Variants in TEK observed in about 807,000 individuals in gnomAD.
TEK encodes the protein angiopoietin-1 receptor.
In TEK, 43 loss-of-function variants were observed where a neutral mutation model predicts 131.8. The ratio of observed to expected loss-of-function variants is 0.33; its 90% confidence interval spans 0.26 to 0.42. The LOEUF (loss-of-function observed/expected upper bound fraction) is 0.42, where lower values mean the gene tolerates loss of function less well. Ranked by LOEUF, TEK falls within the 10% of genes least tolerant of loss-of-function variation. The probability of loss-of-function intolerance (pLI) is 1.00; values close to 1 mark genes in which losing one functional copy is unlikely to be tolerated. For missense variants in TEK, 1,162 were observed against 1,384.4 expected, an observed-to-expected ratio of 0.84 and a Z score of 2.55; for synonymous variants, 580 against 491.6, an observed-to-expected ratio of 1.18 and a Z score of -2.38.
intron 12 of TEK, among the ~76,000 whole-genome samples, chr9:27,200,779 T>C (rs943275772): frequency 6.6e-6 from 1 of 152,144 alleles, no homozygotes; most frequent in African/African-American, 2.4e-5. Flanking sequence ...TGTTTTCCTG[T>C]TGGAAAACAT....
intron 21 of TEK, among the ~76,000 whole-genome samples, chr9:27,226,963 G>A (rs143094359): frequency 3.3e-4 from 50 of 151,854 alleles, no homozygotes; most frequent in African/African-American, 1.2e-3. Context: ...TAATCTCACT[G>A]GAGCAAGAAG....
intron 1 of TEK, among the ~76,000 whole-genome samples, chr9:27,141,324 G>A (rs1822715043): frequency 6.6e-6 from 1 of 151,066 alleles, no homozygotes; most frequent in African/African-American, 2.4e-5. Flanking sequence ...TTTTATTAAT[G>A]GCCACCTTCA....
Position 27,204,933 on chromosome 9 carries a change from G to A in TEK, c.2232G>A (p.Gly744=), listed in dbSNP as rs755057652. 4 of 1,614,000 alleles carry A rather than the reference G, an allele frequency of 2.5e-6. No homozygotes were observed. Among genetic ancestry groups the A allele is most frequent in the Admixed American group, 3.3e-5 (2 of 60,012 alleles). The part of the protein sequence containing the change: ...ESQAPADLGG[G]KMLLIAILGS... ...CAGCACCAGCGGACCTCGGAGGGGGGAAGATGCTGCTTATAGCCATCCTTG... is the reference window on the plus strand; with the variant it reads ...CAGCACCAGCGGACCTCGGAGGGGGAAAGATGCTGCTTATAGCCATCCTTG... The change falls in exon 14 of 23, where the codon GGG becomes GGA. Residue 744 remains glycine, a synonymous_variant. Coordinates refer to ENST00000380036, the MANE Select transcript of TEK (RefSeq NM_000459.5).
chr9:27,228,680 A>G (rs141842517), intron 22 of TEK, among the ~76,000 whole-genome samples: 60 of 152,286 alleles, frequency 3.9e-4, no homozygotes, highest in African/African-American at 1.4e-3. Context: ...GGTTACTATA[A>G]TGAGGGTCAG....
In TEK at chr9:27,150,952, G is replaced by A. The variant is rs377149159; in HGVS notation, c.53-6879G>A. Among the ~76,000 whole-genome samples, 26 of 152,298 alleles carry A rather than the reference G, an allele frequency of 1.7e-4. No homozygotes were observed. In the South Asian group the frequency reaches 3.1e-3, roughly 18 times the overall value. On this transcript the variant is annotated intron_variant, in intron 1 of 22. Transcript: ENST00000380036. Reference sequence around the variant, plus strand: ...TGGCTGGAAAGCAGGGATGGGAAACGGGCATGGCCTTTGGGGAAACTGGCT... The same window carrying A: ...TGGCTGGAAAGCAGGGATGGGAAACAGGCATGGCCTTTGGGGAAACTGGCT...
Position 27,192,563 on chromosome 9 carries a change from C to T in TEK, c.1564C>T (p.Arg522Cys), listed in dbSNP as rs1331501009. 6 of 1,613,682 alleles carry T rather than the reference C, an allele frequency of 3.7e-6. No individual in the cohort carries two copies. The highest frequency in any genetic ancestry group is 1.6e-4 in the Middle Eastern group (1 of 6,062). The stretch of plus-strand genomic sequence containing the variant: ...TGAACTCTGTGTGCAACTGGTCCGT[C>T]GTGGAGAGGGTGGGGAAGGGCATCC... ...EYELCVQLVRRGEGGEGHPGP... is the reference protein window; with the variant it reads ...EYELCVQLVRCGEGGEGHPGP... Residue 522 changes from arginine to cysteine, a missense_variant, in exon 11 of 23, where the codon CGT (arginine) becomes TGT (cysteine). This residue lies in a region of TEK where 477 missense variants were observed against 471.0 expected (regional missense o/e 1.01). Coordinates refer to ENST00000380036, the MANE Select transcript of TEK (RefSeq NM_000459.5).
intron 1 of TEK, among the ~76,000 whole-genome samples, chr9:27,154,487 A>T (rs1823251929): frequency 6.6e-6 from 1 of 152,216 alleles, no homozygotes; most frequent in African/African-American, 2.4e-5. Flanking sequence ...AGTACACACA[A>T]GCATATAGGG....
At chr9:27,125,352 A>G (rs1162059935) in intron 1 of TEK, among the ~76,000 whole-genome samples, 1 of 152,250 alleles carries the variant, frequency 6.6e-6, no homozygotes, top group African/African-American at 2.4e-5. Context: ...GAATCAAACA[A>G]AAGACAGTGC....
Position 27,213,684 on chromosome 9 carries a change from G to A in TEK, c.2991+87G>A, listed in dbSNP as rs571976090. On this transcript the variant is annotated intron_variant, in intron 18 of 22. Coordinates refer to ENST00000380036, the MANE Select transcript of TEK (RefSeq NM_000459.5). Reference sequence around the variant, plus strand: ...TTGCTTCTGAGACTGTCAGTGCTCTGTGGTGACTGAAGCATCTGACTGTAT... The same window carrying A: ...TTGCTTCTGAGACTGTCAGTGCTCTATGGTGACTGAAGCATCTGACTGTAT... 5.1e-6 allele frequency: 5 copies of A among 985,398 alleles called. No homozygotes were observed. In the African/African-American group the frequency reaches 8.0e-5, roughly 16 times the overall value. 61.0% of individuals were successfully genotyped at this position (985,398 alleles called of 1,614,324 possible).
At position 27,218,132 on chromosome 9, in the gene TEK, GC is replaced by G. The variant is rs201931698; in HGVS notation, c.3062+375del. On this transcript the variant is annotated intron_variant, in intron 19 of 22. Coordinates refer to ENST00000380036, the MANE Select transcript of TEK (RefSeq NM_000459.5). ...GGGGACAAAATAAGGCCAGACAGTG[GC>G]GGGGGTCGTCTCTGCTTGCAGCCTG... Among the ~76,000 whole-genome samples the G allele has an allele frequency of 4.4e-4, 66 of 150,888 alleles. 2 individuals are homozygous for G. The highest frequency in any genetic ancestry group is 1.3e-3 in the South Asian group (6 of 4,698).
At chr9:27,127,741 A>G (rs1296564316) in intron 1 of TEK, among the ~76,000 whole-genome samples, 1 of 152,090 alleles carries the variant, frequency 6.6e-6, no homozygotes, top group Non-Finnish European at 1.5e-5. Context: ...GATGATGAGC[A>G]TTTTTTCATG....
intron 1 of TEK, among the ~76,000 whole-genome samples, chr9:27,137,406 G>A (rs1040221605): frequency 3.3e-5 from 5 of 152,110 alleles, no homozygotes; most frequent in Non-Finnish European, 5.9e-5. Flanking sequence ...CATGTAAGGA[G>A]TAGTTTTCTT....
rs376866986 is a variant in TEK, at chr9:27,170,565, C to G, written c.628+936C>G. Among the ~76,000 whole-genome samples, 47 of 152,136 alleles carry G rather than the reference C, an allele frequency of 3.1e-4. No homozygotes were observed. The South Asian group carries it at 9.8e-3, about 32-fold the overall frequency. The stretch of plus-strand genomic sequence containing the variant: ...GTTCAAGCTCGGGAGGTCGAGGCTG[C>G]AGTGGGCCAGGCTGGTTGAAAGAGC... On this transcript the variant is annotated intron_variant, in intron 4 of 22. Coordinates refer to ENST00000380036, the MANE Select transcript of TEK (RefSeq NM_000459.5).
At position 27,169,662 on chromosome 9, in the gene TEK, T is replaced by C. The variant is rs969397015; in HGVS notation, c.628+33T>C. ...ATGGAGAGGCCACCATTTGTGATGG[T>C]GTAGTTGTTAGGTTGTTAGGATTTT... On this transcript the variant is annotated intron_variant, in intron 4 of 22. Coordinates refer to ENST00000380036, the MANE Select transcript of TEK (RefSeq NM_000459.5). 4.3e-6 allele frequency: 7 copies of C among 1,613,286 alleles called. No homozygotes were observed. The African/African-American group carries it at 9.3e-5, about 22-fold the overall frequency.
chr9:27,202,716 T>C (rs887038895), intron 12 of TEK, 104 bp from the exon 13 acceptor site: 2 of 1,247,224 alleles, frequency 1.6e-6, no homozygotes, highest in South Asian at 2.5e-5. Context: ...TGAGAAAACA[T>C]TTGTTTGCCT....
chr9:27,157,806 C>T (rs1564065974), intron 1 of TEK, 25 bp from the exon 2 acceptor site: 3 of 1,613,018 alleles, frequency 1.9e-6, no homozygotes, highest in East Asian at 2.2e-5. Context: ...CTTAGTCATA[C>T]ATTATTGTCT....
intron 1 of TEK, among the ~76,000 whole-genome samples, chr9:27,140,122 C>A (rs1443165622): frequency 6.6e-6 from 1 of 152,090 alleles, no homozygotes; most frequent in Admixed American, 6.5e-5. Flanking sequence ...TGAGCAACAC[C>A]AAACTTATTT....
intron 21 of TEK, among the ~76,000 whole-genome samples, chr9:27,220,435 A>G (rs1826015184): frequency 6.6e-6 from 1 of 152,058 alleles, no homozygotes; most frequent in South Asian, 2.1e-4. Flanking sequence ...TTCTTTAAAC[A>G]TACAACACTA....
At chr9:27,228,153 C>G (rs772985764) in intron 21 of TEK, 53 bp from the exon 22 acceptor site, 2 of 1,467,496 alleles carry the variant, frequency 1.4e-6, no homozygotes, top group South Asian at 1.1e-5. Flanking sequence ...CCTGCCGTGC[C>G]TAGGACTGAA....
Sources: allele counts gnomAD v4.1 joint callset (sites outside exome capture counted in the v4.1 genomes callset), GRCh38; gene constraint gnomAD v4.1.1; regional missense constraint gnomAD v4.1.1; transcripts MANE v1.5; gene names NCBI Gene and HGNC (gene_info 2026-07-23, HGNC 2026-07-21).